The following SYNM variants were observed in gnomAD, a reference collection of about 807,000 sequenced individuals.
SYNM encodes the protein desmuslin.
Under a neutral mutation model 104.0 loss-of-function variants are expected in SYNM, and 95 were observed. The ratio of observed to expected loss-of-function variants is 0.91; its 90% CI spans 0.77 to 1.08. The LOEUF (loss-of-function observed/expected upper bound fraction) is 1.08, where lower values mean the gene tolerates loss of function less well. Ranked by LOEUF, SYNM falls within the 50% of genes least tolerant of loss-of-function variation. The pLI, the probability that SYNM is intolerant of heterozygous loss-of-function variation, is 0.00. For missense variants in SYNM, 2,150 were observed against 2,052.2 expected, an observed-to-expected ratio of 1.05 and a Z score of -0.92; for synonymous variants, 918 against 869.0, an observed-to-expected ratio of 1.06 and a Z score of -0.99.
chr15:99,133,125 T>C lies in SYNM; in HGVS notation c.*67T>C. ...GTGCCAACATCCAAAGGCCTTAACT[T>C]ATTTTAAGAGGCCGAGGGAGTCTAT... On this transcript the variant is annotated 3_prime_UTR_variant, in exon 4 of 4. Transcript: ENST00000336292. 1.0e-5 allele frequency: 16 copies of C among 1,587,318 alleles called. No homozygotes were observed. Among genetic ancestry groups the C allele is most frequent in the Non-Finnish European group, 1.4e-5 (16 of 1,173,284 alleles).
In SYNM at chr15:99,131,487, CGCAGCCCAGCGCCTG is replaced by C; in HGVS notation, c.3137_3151del (p.Ala1046_Pro1050del). The C allele has an allele frequency of 6.2e-7, 1 of 1,605,932 alleles. No homozygotes were observed. The highest frequency in any genetic ancestry group is 8.5e-7 in the Non-Finnish European group (1 of 1,179,386). On this transcript the variant is annotated inframe_deletion, in exon 4 of 4. Transcript: ENST00000336292. This position sits in a 1 kb window ranked among gnomAD's most constrained non-coding sequence, Gnocchi z 4.3. ...GGTTCGGGAGAGCCTGAGCAGGCAACGCAGCCCAGCGCCTGGCAGCCCAGATGAGGAAGGTGGAGC... is the reference window on the plus strand; with the variant it reads ...GGTTCGGGAGAGCCTGAGCAGGCAACGCAGCCCAGATGAGGAAGGTGGAGC...
At chr15:99,113,410 G>T (rs1555483604) in intron 1 of SYNM, among the ~76,000 whole-genome samples, 181 bp from the exon 2 acceptor site, 1 of 152,202 alleles carries the variant, frequency 6.6e-6, no homozygotes, top group Non-Finnish European at 1.5e-5. Flanking sequence ...CTTCCATATG[G>T]AAGAGATACA....
intron 1 of SYNM, among the ~76,000 whole-genome samples, chr15:99,107,643 A>G (rs1227562573): frequency 2.0e-5 from 3 of 152,156 alleles, no homozygotes; most frequent in Non-Finnish European, 2.9e-5. Flanking sequence ...TTCCCCACTA[A>G]TGAAACCTTC....
Position 99,132,534 on chromosome 15 carries a change from G to A in SYNM, c.4174G>A (p.Glu1392Lys). 1.2e-6 allele frequency: 2 copies of A among 1,614,046 alleles called. No homozygotes were observed. The highest frequency in any genetic ancestry group is 1.7e-5 in the Admixed American group (1 of 60,034). ...TAGTGCAGAGGACACATCAGGGGCA[G>A]AAATGACATCGGGTGTTAGCAGATC... Reference protein sequence around the residue: ...EDSAEDTSGAEMTSGVSRSFR... With the variant: ...EDSAEDTSGAKMTSGVSRSFR... The change falls in exon 4 of 4, where the codon GAA becomes AAA. Residue 1392 changes from glutamate (E) to lysine (K), a missense_variant. Physicochemically the swap from Glu to Lys is moderately conservative, Grantham distance 56. Transcript: ENST00000336292.
intron 1 of SYNM, among the ~76,000 whole-genome samples, chr15:99,112,024 C>T (rs564911637): frequency 4.6e-5 from 7 of 152,340 alleles, no homozygotes; most frequent in Admixed American, 2.6e-4. Context: ...ACTCCAGCCT[C>T]GGTGACAGAG....
In SYNM at chr15:99,132,269, G is replaced by A; in HGVS notation, c.3909G>A (p.Gly1303=). The A allele has an allele frequency of 6.2e-7, 1 of 1,608,010 alleles. No individual in the cohort carries two copies. Residue 1303 remains glycine, a synonymous_variant, in exon 4 of 4, where the codon GGG becomes GGA. Coordinates refer to ENST00000336292, the MANE Select transcript of SYNM (RefSeq NM_145728.3). ...GDSVHMEGLP[G]SSTSIRHISI... is the part of the protein sequence containing the mutation. ...CTGTACACATGGAAGGGTTGCCAGG[G>A]AGCAGCACATCCATCAGGCACATCA...
intron 2 of SYNM, among the ~76,000 whole-genome samples, chr15:99,115,627 G>C (rs1596123053): frequency 6.6e-6 from 1 of 151,712 alleles, no homozygotes; most frequent in South Asian, 2.1e-4. Flanking sequence ...ATTCCTGGCT[G>C]ATTTTTGTAT....
rs1372493469 is a variant in SYNM at position 99,132,917 on chromosome 15, G to A, written c.4557G>A (p.Gln1519=). ...AGEGDQAHRE[Q]GKEQAMFDKK... is the part of the protein sequence containing the mutation. ...AAGGAGACCAGGCCCACAGAGAACA[G>A]GGCAAGGAGCAGGCCATGTTTGATA... is the stretch of plus-strand genomic sequence containing the variant. The change falls in exon 4 of 4, where the codon CAG becomes CAA. Residue 1519 remains glutamine, a synonymous_variant. Transcript: ENST00000336292. The A allele has an allele frequency of 8.7e-6, 14 of 1,613,958 alleles. No individual in the cohort carries two copies. Among genetic ancestry groups the A allele is most frequent in the Non-Finnish European group, 1.2e-5 (14 of 1,179,884 alleles).
At chr15:99,117,974 C>T (rs2067365223) in intron 2 of SYNM, among the ~76,000 whole-genome samples, 1 of 152,164 alleles carries the variant, frequency 6.6e-6, no homozygotes, top group Non-Finnish European at 1.5e-5. Flanking sequence ...GGGGAGCAAG[C>T]GATGGATTTC....
chr15:99,139,268 T>G (rs2067930078), downstream of SYNM: 6 of 1,591,722 alleles, frequency 3.8e-6, no homozygotes, highest in Non-Finnish European at 4.3e-6. Context: ...CTTGAGATTC[T>G]GAATGGAAAG....
intron 3 of SYNM, chr15:99,128,955 C>G (rs1421971793): frequency 5.8e-6 from 1 of 173,130 alleles, no homozygotes; most frequent in Non-Finnish European, 1.2e-5. Flanking sequence ...TTTGTAATTA[C>G]AGAGCTCTTC....
At chr15:99,115,463 T>C (rs2067339303) in intron 2 of SYNM, among the ~76,000 whole-genome samples, 1 of 118,168 alleles carries the variant, frequency 8.5e-6, no homozygotes, top group South Asian at 2.8e-4. Flanking sequence ...TTATTTATTT[T>C]ATTCTATTTT....
intron 2 of SYNM, among the ~76,000 whole-genome samples, chr15:99,114,918 C>T (rs2067333182): frequency 6.6e-6 from 1 of 152,154 alleles, no homozygotes; most frequent in Non-Finnish European, 1.5e-5. Flanking sequence ...GACCCAGTTG[C>T]CCAACTTCAG....
Position 99,130,022 on chromosome 15 carries a change from CCAG to C in SYNM, c.1666_1668del (p.Gln556del), listed in dbSNP as rs1555485506. 6 of 1,613,426 alleles carry C rather than the reference CCAG, an allele frequency of 3.7e-6. No homozygotes were observed. In the African/African-American group the frequency reaches 8.0e-5, roughly 22 times the overall value. ...ATAAGGAAGCGAGACAGAGAGAAAG[CCAG>C]CAGATGAAGGAGAAGGCTAAGGAGA... On this transcript the variant is annotated inframe_deletion, in exon 4 of 4. Transcript: ENST00000336292.
At chr15:99,126,309 G>A (rs2151807252) in intron 2 of SYNM, among the ~76,000 whole-genome samples, 1 of 152,348 alleles carries the variant, frequency 6.6e-6, no homozygotes, top group Admixed American at 6.5e-5. Flanking sequence ...ACCCAGTGGG[G>A]GGTGTAGCTG....
chr15:99,126,306 G>C (rs533739086), intron 2 of SYNM, among the ~76,000 whole-genome samples: 4 of 152,312 alleles, frequency 2.6e-5, no homozygotes, highest in Admixed American at 1.3e-4. Context: ...AGAACCCAGT[G>C]GGGGGTGTAG....
At chr15:99,139,243 T>C (rs565196290), downstream of SYNM, 3 of 1,566,106 alleles carry the variant, frequency 1.9e-6, no homozygotes, top group South Asian at 3.4e-5. Context: ...CAGAACCTTC[T>C]AGAACCAGCT....
chr15:99,131,852 G>C lies in SYNM; in HGVS notation c.3492G>C (p.Pro1164=), dbSNP rs782013844. Residue 1164 remains proline, a synonymous_variant, in exon 4 of 4, where the codon CCG becomes CCC. Transcript: ENST00000336292. The surrounding 1 kb of genome is among the most constrained non-coding windows in gnomAD (Gnocchi z 4.3). Reference sequence around the variant, plus strand: ...GTGACCTAAGTCAGGCAGCGAGCCCGACCGGAGCCAGCCGGTCTGTGAGGC... The same window carrying C: ...GTGACCTAAGTCAGGCAGCGAGCCCCACCGGAGCCAGCCGGTCTGTGAGGC... ...AGGDLSQAAS[P]TGASRSVRHV... is the part of the protein sequence containing the mutation. 5 of 1,613,726 alleles carry C rather than the reference G, an allele frequency of 3.1e-6. No homozygotes were observed. The South Asian group carries it at 5.5e-5, about 18-fold the overall frequency.
Position 99,106,018 on chromosome 15 carries a change from G to A in SYNM, c.810+9G>A. The stretch of plus-strand genomic sequence containing the variant: ...AGGCCGAGGAGCGGCAGGTCCGTGC[G>A]CGGGGATGGCGCGCTGACCCCATAC... On this transcript the variant is annotated intron_variant, in intron 1 of 3. Transcript: ENST00000336292. 6.9e-7 allele frequency: 1 copy of A among 1,439,768 alleles called. No homozygotes were observed. The highest frequency in any genetic ancestry group is 2.5e-4 in the Middle Eastern group (1 of 4,000). The allele number at this position is 1,439,768 out of a possible 1,614,324, so 89.2% of individuals were successfully genotyped here.
Sources: allele counts gnomAD v4.1 joint callset (sites outside exome capture counted in the v4.1 genomes callset), GRCh38; gene constraint gnomAD v4.1.1; non-coding constraint Gnocchi (gnomAD v3.1); transcripts MANE v1.5; gene names NCBI Gene and HGNC (gene_info 2026-07-23, HGNC 2026-07-21).